The following CNDP1 variants were observed in gnomAD, a reference collection of about 807,000 sequenced individuals.
CNDP1 encodes the protein carnosine dipeptidase 1, also known as beta-Ala-His dipeptidase.
A neutral mutation model predicts 58.1 loss-of-function variants in CNDP1; 44 were observed. The observed-to-expected ratio is 0.76, with a 90% CI of 0.60 to 0.97. CNDP1 has a LOEUF of 0.97. CNDP1 is among the 50% of genes least tolerant of loss of function. The pLI, the probability that CNDP1 is intolerant of heterozygous loss-of-function variation, is 0.00. For synonymous variants in CNDP1, 254 were observed against 252.6 expected (o/e 1.01, Z -0.05); for missense variants, 616 against 655.1 (o/e 0.94, Z 0.65).
chr18:74,542,362 A>G (rs916760484), intron 1 of CNDP1, among the ~76,000 whole-genome samples: 1 of 152,200 alleles, frequency 6.6e-6, no homozygotes. Context: ...TGGGCTTTTA[A>G]GTGGACCCTT....
chr18:74,574,075 T>G (rs1269805308), intron 7 of CNDP1, among the ~76,000 whole-genome samples: 1 of 152,198 alleles, frequency 6.6e-6, no homozygotes, highest in Non-Finnish European at 1.5e-5. Context: ...GGACCCCTGA[T>G]GTCAGGTGAG....
chr18:74,544,514 C>T lies in CNDP1; in HGVS notation c.24+9823C>T, dbSNP rs146537002. Among the ~76,000 whole-genome samples, 1,072 of 152,014 alleles carry T rather than the reference C, an allele frequency of 7.1e-3. 14 individuals carry two copies. The highest frequency in any genetic ancestry group is 0.025 in the African/African-American group (1,037 of 41,462). ...GGTGGATCACCTGAGGTCAGGAGTT[C>T]GAGACCAGCCAGGCCAACATGGTGA... On this transcript the variant is annotated intron_variant, in intron 1 of 11. Transcript: ENST00000358821.
intron 6 of CNDP1, among the ~76,000 whole-genome samples, chr18:74,570,069 T>A (rs942084419): frequency 6.9e-6 from 1 of 145,716 alleles, no homozygotes; most frequent in Non-Finnish European, 1.5e-5. Context: ...CATGGTGGCG[T>A]GCACCTGTAG....
chr18:74,552,706 G>A (rs1258676455), intron 1 of CNDP1, among the ~76,000 whole-genome samples: 1 of 152,110 alleles, frequency 6.6e-6, no homozygotes, highest in Non-Finnish European at 1.5e-5. Flanking sequence ...TCTTGTTTCT[G>A]CCTTTTGGCT....
intron 10 of CNDP1, 57 bp from the exon 11 acceptor site, chr18:74,583,504 C>A: frequency 6.8e-7 from 1 of 1,472,214 alleles, no homozygotes; most frequent in Non-Finnish European, 9.5e-7. Flanking sequence ...CCTTGAGGAG[C>A]TTCCTGGGGG....
At chr18:74,548,106 G>T (rs1980809813) in intron 1 of CNDP1, among the ~76,000 whole-genome samples, 1 of 152,134 alleles carries the variant, frequency 6.6e-6, no homozygotes, top group South Asian at 2.1e-4. Context: ...CTGTTCTTCA[G>T]CTCCTCTTTC....
chr18:74,535,133 C>T (rs781149416), intron 1 of CNDP1, among the ~76,000 whole-genome samples: 6 of 152,202 alleles, frequency 3.9e-5, no homozygotes, highest in Non-Finnish European at 8.8e-5. Flanking sequence ...GGCTAAATCA[C>T]CCCAGGCCTT....
chr18:74,564,445 G>T (rs1568297012), intron 5 of CNDP1, among the ~76,000 whole-genome samples: 1 of 152,136 alleles, frequency 6.6e-6, no homozygotes, highest in African/African-American at 2.4e-5. Context: ...CAAGATCAAA[G>T]CCTTTGAATA....
intron 10 of CNDP1, among the ~76,000 whole-genome samples, chr18:74,580,720 C>T (rs866103044): frequency 6.6e-6 from 1 of 152,190 alleles, no homozygotes; most frequent in Non-Finnish European, 1.5e-5. Context: ...ATAATCCCAG[C>T]AGTTTGGGAG....
At chr18:74,555,422 C>G (rs1981012310) in intron 1 of CNDP1, among the ~76,000 whole-genome samples, 1 of 152,214 alleles carries the variant, frequency 6.6e-6, no homozygotes, top group Admixed American at 6.5e-5. Flanking sequence ...ATGGCTCGGG[C>G]TGCACTGGGG....
intron 10 of CNDP1, among the ~76,000 whole-genome samples, chr18:74,582,983 A>G (rs2144581963): frequency 6.6e-6 from 1 of 152,282 alleles, no homozygotes; most frequent in East Asian, 1.9e-4. Context: ...AATTAGTTCA[A>G]AATAAAATTT....
intron 5 of CNDP1, among the ~76,000 whole-genome samples, chr18:74,563,022 C>T (rs943047405): frequency 6.6e-6 from 1 of 152,196 alleles, no homozygotes; most frequent in African/African-American, 2.4e-5. Context: ...TCCAAGGCTG[C>T]AAGGCTCTGA....
rs1300216454 is a variant in CNDP1 at position 74,556,461 on chromosome 18, G to C, written c.148G>C (p.Val50Leu). 6.2e-7 allele frequency: 1 copy of C among 1,614,180 alleles called. No individual in the cohort carries two copies. Among genetic ancestry groups the C allele is most frequent in the South Asian group, 1.1e-5 (1 of 91,070 alleles). ...CATTGACCTCCATCAGGATGAATTTGTGCAGGTAGGAGAAAGAAACTACAC... is the reference window on the plus strand; with the variant it reads ...CATTGACCTCCATCAGGATGAATTTCTGCAGGTAGGAGAAAGAAACTACAC... ...QYIDLHQDEF[V>L]QTLKEWVAIE... The change falls in exon 2 of 12, where the codon GTG becomes CTG. Residue 50 changes from valine to leucine, a missense_variant. Val to Leu is a conservative substitution (Grantham distance 32). Coordinates refer to ENST00000358821, the MANE Select transcript of CNDP1 (RefSeq NM_032649.6).
In CNDP1 at chr18:74,586,053, A is replaced by C. The variant is rs970905152; in HGVS notation, c.*1491A>C. ...CATTTGCGTTCAACTTTTTTCCATC[A>C]CTCTGTTGGTTCTTGAGATGTCAGT... On this transcript the variant is annotated 3_prime_UTR_variant, in exon 12 of 12. Coordinates refer to ENST00000358821, the MANE Select transcript of CNDP1 (RefSeq NM_032649.6). The C allele has an allele frequency of 6.7e-6, 1 of 149,348 alleles. No homozygotes were observed. The highest frequency in any genetic ancestry group is 2.1e-4 in the South Asian group (1 of 4,740). 9.3% of individuals were successfully genotyped at this position (149,348 alleles called of 1,614,324 possible).
At chr18:74,541,337 T>G (rs537601371) in intron 1 of CNDP1, among the ~76,000 whole-genome samples, 10 of 152,354 alleles carry the variant, frequency 6.6e-5, no homozygotes, top group Non-Finnish European at 1.5e-4. Context: ...TCCTAGCTTC[T>G]CAGCAGGTTG....
rs561591944 is a variant in CNDP1 at position 74,547,593 on chromosome 18, GC to G, written c.25-8743del. Among the ~76,000 whole-genome samples the G allele has an allele frequency of 2.4e-3, 365 of 152,286 alleles. 1 individual carries two copies. The highest frequency in any genetic ancestry group is 8.3e-3 in the African/African-American group (344 of 41,558). On this transcript the variant is annotated intron_variant, in intron 1 of 11. Transcript: ENST00000358821. ...AGTGTCCTTCATTAAAGTATCCCAGGCCACTGTCAAGACCTCCATCAGCTAA... is the reference window on the plus strand; with the variant it reads ...AGTGTCCTTCATTAAAGTATCCCAGGCACTGTCAAGACCTCCATCAGCTAA...
Position 74,561,920 on chromosome 18 carries a change from G to A in CNDP1, c.467-127G>A, listed in dbSNP as rs114080236. The A allele has an allele frequency of 3.3e-4, 239 of 727,218 alleles. No homozygotes were observed. The African/African-American group carries it at 3.8e-3, about 12-fold the overall frequency. The allele number at this position is 727,218 out of a possible 1,614,324, so 45.0% of individuals were successfully genotyped here. On this transcript the variant is annotated intron_variant, in intron 4 of 11. Coordinates refer to ENST00000358821, the MANE Select transcript of CNDP1 (RefSeq NM_032649.6). The stretch of plus-strand genomic sequence containing the variant: ...AATCATACTTTGCAATTTCATGCAA[G>A]ATTTGAGCCTGCAATATTATTATAG...
At chr18:74,564,591 T>C (rs887582171) in intron 5 of CNDP1, among the ~76,000 whole-genome samples, 2 of 152,330 alleles carry the variant, frequency 1.3e-5, no homozygotes, top group Middle Eastern at 3.4e-3. Flanking sequence ...GAAAAGCGAT[T>C]TGTAATTGCC....
rs748929927 is a variant in CNDP1 at position 74,556,433 on chromosome 18, G to A, written c.120G>A (p.Gln40=). ...PPPALLEKVF[Q]YIDLHQDEFV... ...CGGCGCTGTTAGAGAAAGTCTTCCA[G>A]TACATTGACCTCCATCAGGATGAAT... The change falls in exon 2 of 12, where the codon CAG becomes CAA. Residue 40 remains glutamine, a synonymous_variant. Coordinates refer to ENST00000358821, the MANE Select transcript of CNDP1 (RefSeq NM_032649.6). The A allele has an allele frequency of 6.2e-7, 1 of 1,614,210 alleles. No homozygotes were observed. Among genetic ancestry groups the A allele is most frequent in the South Asian group, 1.1e-5 (1 of 91,086 alleles).
Sources: gnomAD v4.1 joint callset for allele counts (sites outside exome capture counted in the v4.1 genomes callset) on GRCh38, gnomAD v4.1.1 for gene constraint, MANE v1.5 for transcripts, NCBI Gene and HGNC (gene_info 2026-07-23, HGNC 2026-07-21) for gene names.